TMEM131: variants seen among roughly 807,000 people sequenced by gnomAD.
TMEM131 encodes the protein transmembrane protein 131.
TMEM131 carries 66 observed loss-of-function variants against 211.6 expected under a neutral mutation model. That is an observed-to-expected ratio of 0.31 (90% confidence interval 0.26 to 0.38). The LOEUF (loss-of-function observed/expected upper bound fraction) is 0.38. TMEM131 is among the 10% of genes least tolerant of loss of function. TMEM131 has a pLI of 1.00. For missense variants in TMEM131, 2,036 were observed against 2,299.3 expected (o/e 0.89, Z 2.34); for synonymous variants, 844 against 841.3 (o/e 1.00, Z -0.06).
At chr2:97,927,914 T>C (rs190248307) in intron 1 of TMEM131, among the ~76,000 whole-genome samples, 1 of 152,264 alleles carries the variant, frequency 6.6e-6, no homozygotes, top group East Asian at 1.9e-4. Context: ...GTAGTGATGA[T>C]ATGACCTGGG....
intron 1 of TMEM131, among the ~76,000 whole-genome samples, chr2:97,974,981 T>G (rs1679467888): frequency 6.6e-6 from 1 of 152,112 alleles, no homozygotes; most frequent in Non-Finnish European, 1.5e-5. Flanking sequence ...TGACTGACAT[T>G]GACAGAGTAC....
At position 97,796,283 on chromosome 2, in the gene TMEM131, G is replaced by T; in HGVS notation, c.3135C>A (p.Gly1045=). ...ACTCTTGACAATTAACAACTTTAAA[G>T]CCATATCCTTCACATGAGTATCCAC... ...EISGYSCEGY[G]FKVVNCQEFT... Residue 1045 remains glycine, a synonymous_variant, in exon 28 of 41, where the codon GGC becomes GGA. Transcript: ENST00000186436. 6.4e-7 allele frequency: 1 copy of T among 1,573,466 alleles called. No homozygotes were observed. Among genetic ancestry groups the T allele is most frequent in the Non-Finnish European group, 8.6e-7 (1 of 1,158,244 alleles).
intron 11 of TMEM131, among the ~76,000 whole-genome samples, chr2:97,828,134 G>A (rs1682488902): frequency 6.6e-6 from 1 of 152,140 alleles, no homozygotes; most frequent in African/African-American, 2.4e-5. Flanking sequence ...GAACTGGTGG[G>A]CTGTATGTAA....
chr2:97,821,603 A>G (rs945019854), intron 11 of TMEM131, among the ~76,000 whole-genome samples: 2 of 152,242 alleles, frequency 1.3e-5, no homozygotes, highest in Admixed American at 1.3e-4. Context: ...ACTCACTGGA[A>G]GGAAGAAATT....
chr2:97,801,843 GATC>G, intron 25 of TMEM131, 49 bp downstream of exon 25: 2 of 1,331,886 alleles, frequency 1.5e-6, no homozygotes, highest in Non-Finnish European at 2.1e-6. Context: ...TATTTATATT[GATC>G]ATATTATAAA....
intron 2 of TMEM131, among the ~76,000 whole-genome samples, chr2:97,910,174 T>C (rs1185526721): frequency 6.6e-6 from 1 of 152,044 alleles, no homozygotes; most frequent in East Asian, 1.9e-4. Flanking sequence ...ACCACAATGA[T>C]ACCACTTCAT....
intron 12 of TMEM131, among the ~76,000 whole-genome samples, chr2:97,817,012 A>C (rs1681859348): frequency 1.3e-5 from 2 of 152,274 alleles, no homozygotes; most frequent in South Asian, 4.1e-4. Flanking sequence ...TGATATTAAA[A>C]ACCTACTTTT....
intron 13 of TMEM131, 131 bp from the exon 14 acceptor site, chr2:97,814,519 T>C: frequency 3.2e-6 from 3 of 945,964 alleles, no homozygotes; most frequent in Non-Finnish European, 4.4e-6. Flanking sequence ...TTTAGAACTA[T>C]AATATTTTAG....
At chr2:97,938,752 T>C (rs1019079590) in intron 1 of TMEM131, among the ~76,000 whole-genome samples, 1 of 152,212 alleles carries the variant, frequency 6.6e-6, no homozygotes, top group Non-Finnish European at 1.5e-5. Context: ...ATCGCACTTA[T>C]TCCAAAATTG....
intron 32 of TMEM131, among the ~76,000 whole-genome samples, chr2:97,775,474 G>A (rs1679679825): frequency 6.6e-6 from 1 of 152,206 alleles, no homozygotes; most frequent in South Asian, 2.1e-4. Flanking sequence ...AAATGGTAGA[G>A]TTCCTTCTCA....
At chr2:97,960,009 G>T (rs543278422) in intron 1 of TMEM131, among the ~76,000 whole-genome samples, 172 of 152,202 alleles carry the variant, frequency 1.1e-3, no homozygotes, top group African/African-American at 4.0e-3. Context: ...TTTTTGGTAA[G>T]AATAATATAG....
Position 97,874,186 on chromosome 2 carries a change from A to C in TMEM131, c.359+13866T>G, listed in dbSNP as rs545461331. Among the ~76,000 whole-genome samples the C allele has an allele frequency of 3.5e-4, 54 of 152,324 alleles. 1 individual carries two copies. The highest frequency in any genetic ancestry group is 3.4e-3 in the Admixed American group (52 of 15,300). On this transcript the variant is annotated intron_variant, in intron 4 of 40. Transcript: ENST00000186436. ...ACAAGATTAGAGAAAAAGGAATAAA[A>C]AGGAATGAACAAAGCCTCCAAGAAA...
intron 11 of TMEM131, among the ~76,000 whole-genome samples, chr2:97,832,941 T>C (rs968589651): frequency 3.3e-5 from 5 of 152,200 alleles, no homozygotes; most frequent in South Asian, 2.1e-4. Flanking sequence ...ACTTTACCAC[T>C]ACCTACAACA....
At chr2:97,899,327 C>G (rs1675750590) in intron 3 of TMEM131, among the ~76,000 whole-genome samples, 1 of 152,058 alleles carries the variant, frequency 6.6e-6, no homozygotes, top group Non-Finnish European at 1.5e-5. Context: ...TACTGATGAA[C>G]AGGAGAAGAC....
chr2:97,870,804 C>T (rs1296334295), intron 4 of TMEM131, among the ~76,000 whole-genome samples: 1 of 152,156 alleles, frequency 6.6e-6, no homozygotes, highest in Non-Finnish European at 1.5e-5. Context: ...GTACTTTGTA[C>T]CACTCAATTA....
Position 97,852,000 on chromosome 2 carries a change from C to T in TMEM131, c.483+7304G>A, listed in dbSNP as rs534847456. On this transcript the variant is annotated intron_variant, in intron 5 of 40. Transcript: ENST00000186436. ...GAGGCTCAAAGCTAGGCCTTTAGTG[C>T]CAAACAGCCAAGCTGTGAATGCAAA... 9.2e-5 allele frequency among the ~76,000 whole-genome samples: 14 copies of T among 152,194 alleles called. No homozygotes were observed. The South Asian group carries it at 2.9e-3, about 32-fold the overall frequency.
intron 2 of TMEM131, among the ~76,000 whole-genome samples, chr2:97,917,682 C>T (rs1676564076): frequency 6.6e-6 from 1 of 152,142 alleles, no homozygotes; most frequent in Non-Finnish European, 1.5e-5. Flanking sequence ...AAGTGCTGAG[C>T]AAAGGGGGAA....
At chr2:97,880,339 G>C (rs528636510) in intron 4 of TMEM131, among the ~76,000 whole-genome samples, 2 of 152,270 alleles carry the variant, frequency 1.3e-5, no homozygotes, top group South Asian at 4.1e-4. Flanking sequence ...TGGGGGAGGG[G>C]AAGTGGGAAA....
At chr2:97,884,326 A>C (rs1573507234) in intron 4 of TMEM131, among the ~76,000 whole-genome samples, 1 of 152,168 alleles carries the variant, frequency 6.6e-6, no homozygotes, top group South Asian at 2.1e-4. Context: ...TTTGAGATTC[A>C]TTTTGTGTCC....
Sources: gnomAD v4.1 joint callset for allele counts (sites outside exome capture counted in the v4.1 genomes callset) on GRCh38, gnomAD v4.1.1 for gene constraint, MANE v1.5 for transcripts, NCBI Gene and HGNC (gene_info 2026-07-23, HGNC 2026-07-21) for gene names.